The following GRIN2B variants were observed in gnomAD, a reference collection of about 807,000 sequenced individuals.
GRIN2B encodes glutamate receptor ionotropic, NMDA 2B.
Under a neutral mutation model 114.5 loss-of-function variants are expected in GRIN2B, and 5 were observed. That is an observed-to-expected ratio of 0.04 (90% CI 0.02 to 0.09). The LOEUF is 0.09. Ranked by LOEUF, GRIN2B falls within the 10% of genes least tolerant of loss-of-function variation. The probability of loss-of-function intolerance (pLI) is 1.00; values close to 1 mark genes in which losing one functional copy is unlikely to be tolerated. For missense variants in GRIN2B, 1,108 were observed against 1,943.5 expected, an observed-to-expected ratio of 0.57 and a Z score of 8.08; for synonymous variants, 787 against 745.1, an observed-to-expected ratio of 1.06 and a Z score of -0.92.
At chr12:13,737,388 T>C (rs1432393284) in intron 4 of GRIN2B, among the ~76,000 whole-genome samples, 1 of 152,016 alleles carries the variant, frequency 6.6e-6, no homozygotes, top group Non-Finnish European at 1.5e-5. Context: ...ATTTTTTGTA[T>C]TTTTAGTAGA....
At chr12:13,770,892 T>C (rs931944969) in intron 3 of GRIN2B, among the ~76,000 whole-genome samples, 1 of 152,196 alleles carries the variant, frequency 6.6e-6, no homozygotes, top group Non-Finnish European at 1.5e-5. Context: ...CAGAAACCCC[T>C]ACAAAGTTTT....
chr12:13,691,744 TGGAGA>T (rs1176207022), intron 4 of GRIN2B, among the ~76,000 whole-genome samples: 1 of 151,814 alleles, frequency 6.6e-6, no homozygotes, highest in African/African-American at 2.4e-5. Context: ...AATGAAGAGA[TGGAGA>T]GGAGATGAAA....
intron 11 of GRIN2B, among the ~76,000 whole-genome samples, chr12:13,570,595 A>G (rs1176843773): frequency 6.6e-6 from 1 of 152,196 alleles, no homozygotes; most frequent in Non-Finnish European, 1.5e-5. Context: ...AAAGCAAAAT[A>G]CAGAAGAATT....
At chr12:13,884,358 A>C (rs1462119665) in intron 2 of GRIN2B, among the ~76,000 whole-genome samples, 2 of 152,148 alleles carry the variant, frequency 1.3e-5, no homozygotes, top group East Asian at 3.8e-4. Context: ...ATATTTTATA[A>C]AATTTATACC....
chr12:13,932,986 T>TGTGTGTGTGC (rs61241187), intron 2 of GRIN2B, among the ~76,000 whole-genome samples: 13,580 of 148,156 alleles, frequency 0.092, 833 homozygotes, highest in Middle Eastern at 0.15. Flanking sequence ...TGTGTGTGTG[T>TGTGTGTGTGC]GCGTGTGCGT....
At chr12:13,569,236 C>T (rs1192491296) in intron 12 of GRIN2B, among the ~76,000 whole-genome samples, 1 of 152,128 alleles carries the variant, frequency 6.6e-6, no homozygotes, top group Non-Finnish European at 1.5e-5. Flanking sequence ...TAGAATCCCC[C>T]TAAAATATAT....
intron 3 of GRIN2B, among the ~76,000 whole-genome samples, chr12:13,787,263 T>C (rs1332343751): frequency 6.6e-6 from 1 of 152,196 alleles, no homozygotes; most frequent in African/African-American, 2.4e-5. Flanking sequence ...TCCCCAACTC[T>C]TCAGCCATTC....
At chr12:13,885,061 A>G (rs1866132656) in intron 2 of GRIN2B, among the ~76,000 whole-genome samples, 1 of 152,178 alleles carries the variant, frequency 6.6e-6, no homozygotes, top group Non-Finnish European at 1.5e-5. Flanking sequence ...AGGCCATAAA[A>G]AAATGCTGCA....
intron 3 of GRIN2B, among the ~76,000 whole-genome samples, chr12:13,856,827 G>A (rs370037048): frequency 6.6e-6 from 1 of 151,896 alleles, no homozygotes; most frequent in Non-Finnish European, 1.5e-5. Flanking sequence ...TCCTGTCCCC[G>A]CAAATAAGGC....
chr12:13,760,110 C>T (rs1365252948), intron 3 of GRIN2B, among the ~76,000 whole-genome samples: 2 of 152,162 alleles, frequency 1.3e-5, no homozygotes, highest in Non-Finnish European at 2.9e-5. Context: ...ATATCTGATC[C>T]CCTTGTCCAG....
At chr12:13,743,551 C>G (rs986385463) in intron 4 of GRIN2B, among the ~76,000 whole-genome samples, 1 of 151,420 alleles carries the variant, frequency 6.6e-6, no homozygotes. Flanking sequence ...TAATAATGCT[C>G]TATTGTGCTG....
chr12:13,760,443 A>G (rs1444167255), intron 3 of GRIN2B, among the ~76,000 whole-genome samples: 1 of 152,220 alleles, frequency 6.6e-6, no homozygotes, highest in African/African-American at 2.4e-5. Context: ...CTTTCACATT[A>G]TTCAAATCTT....
At chr12:13,786,907 C>A (rs11055616) in intron 3 of GRIN2B, among the ~76,000 whole-genome samples, 1 of 151,428 alleles carries the variant, frequency 6.6e-6, no homozygotes, top group Non-Finnish European at 1.5e-5. Context: ...CTAGTCCTCC[C>A]GGTTTGAGAC....
At chr12:13,728,741 A>G (rs956445814) in intron 4 of GRIN2B, among the ~76,000 whole-genome samples, 3 of 152,140 alleles carry the variant, frequency 2.0e-5, no homozygotes, top group Non-Finnish European at 4.4e-5. Context: ...GGATGGAAGG[A>G]TTGGTGGGTG....
At chr12:13,918,990 A>G (rs1348321977) in intron 2 of GRIN2B, among the ~76,000 whole-genome samples, 2 of 152,078 alleles carry the variant, frequency 1.3e-5, no homozygotes, top group Non-Finnish European at 2.9e-5. Context: ...TCTTGTTCTC[A>G]AAAAGAAAAA....
chr12:13,657,943 C>T (rs11055566), intron 5 of GRIN2B, among the ~76,000 whole-genome samples: 36,072 of 152,138 alleles, frequency 0.24, 5,506 homozygotes, highest in Middle Eastern at 0.43. Context: ...CAGTGGCTTA[C>T]GCCTGTAATC....
At position 13,562,930 on chromosome 12, in the gene GRIN2B, C is replaced by A; in HGVS notation, c.4308G>T (p.Gly1436=). Residue 1436 remains glycine (G), a synonymous_variant, in exon 14 of 14, where the codon GGG becomes GGT. Transcript: ENST00000609686. ...TNKPVVSALH[G]AVPARFQKDI... ...CCTTCTGGAAACGGGCTGGCACGGC[C>A]CCATGAAGGGCCGAGACCACCGGCT... 1 of 1,614,166 alleles carries A rather than the reference C, an allele frequency of 6.2e-7. No individual in the cohort carries two copies. The highest frequency in any genetic ancestry group is 8.5e-7 in the Non-Finnish European group (1 of 1,180,026).
At chr12:13,569,119 C>T (rs1948676224) in intron 12 of GRIN2B, among the ~76,000 whole-genome samples, 1 of 152,146 alleles carries the variant, frequency 6.6e-6, no homozygotes, top group Non-Finnish European at 1.5e-5. Context: ...CCTACTTTAT[C>T]CCTGAAGGTT....
chr12:13,593,580 A>T lies in GRIN2B; in HGVS notation c.2010+15023T>A, dbSNP rs140412022. Among the ~76,000 whole-genome samples, 36 of 152,366 alleles carry T rather than the reference A, an allele frequency of 2.4e-4. 1 individual carries two copies. The East Asian group carries it at 6.7e-3, about 29-fold the overall frequency. On this transcript the variant is annotated intron_variant, in intron 10 of 13. Coordinates refer to ENST00000609686, the MANE Select transcript of GRIN2B (RefSeq NM_000834.5). ...TTAATGACTTAAATGTAAGACCAAA[A>T]ACCATAAAAACCCTAGAAGAAAACC...
Sources: gnomAD v4.1 joint callset for allele counts (sites outside exome capture counted in the v4.1 genomes callset) on GRCh38, gnomAD v4.1.1 for gene constraint, MANE v1.5 for transcripts, NCBI Gene and HGNC (gene_info 2026-07-23, HGNC 2026-07-21) for gene names.